HK2: variants seen among roughly 807,000 people sequenced by gnomAD.
The protein encoded by HK2 is hexokinase 2.
Under a neutral mutation model 92.9 loss-of-function variants are expected in HK2, and 42 were observed. That is an observed-to-expected ratio of 0.45 (90% CI 0.35 to 0.58). HK2 has a LOEUF of 0.58. Among genes scored for constraint, HK2 ranks in the 20% least tolerant of loss-of-function variants. The pLI is 0.00. For synonymous variants in HK2, 422 were observed against 468.0 expected (o/e 0.90, Z 1.27); for missense variants, 978 against 1,245.1 (o/e 0.79, Z 3.23).
Position 74,893,302 on chromosome 2 carries a change from TTAAC to T in HK2, c.*2364_*2367del. 6.6e-6 allele frequency: 1 copy of T among 152,324 alleles called. No individual in the cohort carries two copies. The highest frequency in any genetic ancestry group is 1.9e-4 in the East Asian group (1 of 5,184). 9.4% of individuals were successfully genotyped at this position (152,324 alleles called of 1,614,324 possible). A position where few individuals can be genotyped will look rare whatever the true frequency, so the allele number is the denominator to read the frequency against. ...TATGTACAATACATAACTAGTTTAA[TTAAC>T]TATGTGATGTTAACTATTATTAATA... is the stretch of plus-strand genomic sequence containing the variant. On this transcript the variant is annotated 3_prime_UTR_variant, in exon 18 of 18. Coordinates refer to ENST00000290573, the MANE Select transcript of HK2 (RefSeq NM_000189.5).
In HK2 at chr2:74,880,326, C is replaced by T; in HGVS notation, c.1327C>T (p.Leu443Phe). The T allele has an allele frequency of 6.2e-7, 1 of 1,614,218 alleles. No individual in the cohort carries two copies. Among genetic ancestry groups the T allele is most frequent in the Non-Finnish European group, 8.5e-7 (1 of 1,180,032 alleles). ...GGTGCCCGGCTGCGATGTCCGCTTCCTCCGCTCCGAGGATGGCAGTGGCAA... is the reference window on the plus strand; with the variant it reads ...GGTGCCCGGCTGCGATGTCCGCTTCTTCCGCTCCGAGGATGGCAGTGGCAA... ...RLVPGCDVRF[L>F]RSEDGSGKGA... is the part of the protein sequence containing the mutation. Residue 443 changes from leucine (L) to phenylalanine (F), a missense_variant, in exon 10 of 18, where the codon CTC (leucine) becomes TTC (phenylalanine). Leu to Phe is a conservative substitution (Grantham distance 22, BLOSUM62 0). Around this residue, in one of 3 missense-constraint regions of HK2, gnomAD observed 742 missense variants for 922.5 expected, o/e 0.80. Transcript: ENST00000290573.
intron 7 of HK2, among the ~76,000 whole-genome samples, chr2:74,876,462 C>A (rs2103970859): frequency 6.6e-6 from 1 of 152,332 alleles, no homozygotes; most frequent in East Asian, 1.9e-4. Flanking sequence ...GAAAACAGTG[C>A]CACCTAGTGT....
intron 1 of HK2, among the ~76,000 whole-genome samples, chr2:74,846,684 C>T (rs1177901650): frequency 3.9e-5 from 6 of 152,272 alleles, no homozygotes; most frequent in Non-Finnish European, 8.8e-5. Flanking sequence ...GAGACAGGGT[C>T]TTGCACTGTT....
intron 14 of HK2, 46 bp from the exon 15 acceptor site, chr2:74,886,444 G>A (rs1689540354): frequency 1.2e-6 from 2 of 1,613,748 alleles, no homozygotes; most frequent in African/African-American, 2.7e-5. Context: ...CCTTGGGTGT[G>A]GAGGGGTTGG....
chr2:74,880,996 T>C (rs546175631), intron 10 of HK2, among the ~76,000 whole-genome samples: 3 of 152,338 alleles, frequency 2.0e-5, no homozygotes, highest in Admixed American at 6.5e-5. Flanking sequence ...AATCACCACA[T>C]TGGTCTGAGT....
intron 12 of HK2, among the ~76,000 whole-genome samples, chr2:74,885,278 A>G (rs1339426782): frequency 1.3e-5 from 2 of 152,242 alleles, no homozygotes; most frequent in East Asian, 3.9e-4. Context: ...AATGTAATGC[A>G]TGATCTATGC....
rs539945957 is a variant in HK2, at chr2:74,847,665, A to G, written c.64-6628A>G. Among the ~76,000 whole-genome samples the G allele has an allele frequency of 9.2e-5, 14 of 152,242 alleles. No individual in the cohort carries two copies. The East Asian group carries it at 2.7e-3, about 29-fold the overall frequency. Reference sequence around the variant, plus strand: ...GGCTGCAGTGAACCATGATTGCGTCATTGCACTCCAGCCTGGGCAGCCGAG... The same window carrying G: ...GGCTGCAGTGAACCATGATTGCGTCGTTGCACTCCAGCCTGGGCAGCCGAG... On this transcript the variant is annotated intron_variant, in intron 1 of 17. Coordinates refer to ENST00000290573, the MANE Select transcript of HK2 (RefSeq NM_000189.5).
intron 2 of HK2, among the ~76,000 whole-genome samples, chr2:74,861,611 G>A (rs543617374): frequency 2.0e-4 from 30 of 152,332 alleles, no homozygotes; most frequent in Non-Finnish European, 3.4e-4. Flanking sequence ...GGCAGATGGT[G>A]ACAGTTGGGA....
Position 74,887,229 on chromosome 2 carries a change from G to A in HK2, c.2219+556G>A, listed in dbSNP as rs28363053. Among the ~76,000 whole-genome samples, 1,304 of 152,262 alleles carry A rather than the reference G, an allele frequency of 8.6e-3. 13 individuals carry two copies. Among genetic ancestry groups the A allele is most frequent in the African/African-American group, 0.029 (1,222 of 41,576 alleles). ...CTGCAGAATACGCTTTGCAAAACAT[G>A]TGTCTAGAATAGAAGTTACAGACTA... On this transcript the variant is annotated intron_variant, in intron 15 of 17. Coordinates refer to ENST00000290573, the MANE Select transcript of HK2 (RefSeq NM_000189.5).
Position 74,881,699 on chromosome 2 carries a change from C to T in HK2, c.1571-12C>T, listed in dbSNP as rs1689396072. 6.2e-7 allele frequency: 1 copy of T among 1,613,878 alleles called. No homozygotes were observed. Among genetic ancestry groups the T allele is most frequent in the Non-Finnish European group, 8.5e-7 (1 of 1,179,894 alleles). On this transcript the variant is annotated splice_polypyrimidine_tract_variant and intron_variant, in intron 10 of 17. Coordinates refer to ENST00000290573, the MANE Select transcript of HK2 (RefSeq NM_000189.5). Reference sequence around the variant, plus strand: ...TGCCCCAACTTATCACTTCCCTGGGCTTATTTTCCAGAGAAAGGGGACTTC... The same window carrying T: ...TGCCCCAACTTATCACTTCCCTGGGTTTATTTTCCAGAGAAAGGGGACTTC...
chr2:74,867,991 A>G, intron 3 of HK2: 1 of 584,064 alleles, frequency 1.7e-6, no homozygotes, highest in Non-Finnish European at 3.1e-6. Context: ...CAGTATTAAA[A>G]GGAGTGACTA....
intron 1 of HK2, among the ~76,000 whole-genome samples, chr2:74,849,853 T>C (rs1394529852): frequency 6.6e-6 from 1 of 152,242 alleles, no homozygotes; most frequent in African/African-American, 2.4e-5. Flanking sequence ...ACGCTACCAC[T>C]AGGATTTGCA....
chr2:74,843,412 C>T (rs1002804559), intron 1 of HK2, among the ~76,000 whole-genome samples: 1 of 152,220 alleles, frequency 6.6e-6, no homozygotes, highest in Non-Finnish European at 1.5e-5. Flanking sequence ...AGTCTTGGCC[C>T]TGTTCCTGTG....
intron 9 of HK2, among the ~76,000 whole-genome samples, 175 bp from the exon 10 acceptor site, chr2:74,880,090 T>C (rs1330373410): frequency 6.6e-6 from 1 of 152,182 alleles, no homozygotes; most frequent in Non-Finnish European, 1.5e-5. Context: ...ATAGTTGATA[T>C]GGTTCTTGTA....
chr2:74,857,499 G>T (rs1213651727), intron 2 of HK2, among the ~76,000 whole-genome samples: 1 of 152,130 alleles, frequency 6.6e-6, no homozygotes, highest in Non-Finnish European at 1.5e-5. Context: ...GTTCATTACA[G>T]TGTTGCTTAA....
chr2:74,839,951 CTT>C (rs773321768), intron 1 of HK2, among the ~76,000 whole-genome samples: 1,146 of 96,924 alleles, frequency 0.012, 14 homozygotes, highest in African/African-American at 0.042. Context: ...TGCGCCTGGC[CTT>C]TTTTTTTTTT....
At chr2:74,850,996 A>ACTGTTTCATATTCACAG in intron 1 of HK2, among the ~76,000 whole-genome samples, 1 of 151,742 alleles carries the variant, frequency 6.6e-6, no homozygotes, top group South Asian at 2.1e-4. Context: ...GACATTTTTC[A>ACTGTTTCATATTCACAG]CTGTTTCATA....
At chr2:74,888,108 A>C in intron 16 of HK2, 50 bp downstream of exon 16, 107 of 1,584,246 alleles carry the variant, frequency 6.8e-5, no homozygotes, top group Non-Finnish European at 8.5e-5. Flanking sequence ...CTTTTTTCTC[A>C]CTGGCAGACA....
chr2:74,851,537 C>T (rs1235790095), intron 1 of HK2, among the ~76,000 whole-genome samples: 1 of 152,152 alleles, frequency 6.6e-6, no homozygotes, highest in African/African-American at 2.4e-5. Context: ...GTAGAATTTG[C>T]TTTTTTGTGT....
Sources: gnomAD v4.1 joint callset for allele counts (sites outside exome capture counted in the v4.1 genomes callset) on GRCh38, gnomAD v4.1.1 for gene constraint, gnomAD v4.1.1 regional missense constraint, MANE v1.5 for transcripts, NCBI Gene and HGNC (gene_info 2026-07-23, HGNC 2026-07-21) for gene names.